The following TAFA1 variants were observed in gnomAD, a reference collection of about 807,000 sequenced individuals.
TAFA1 encodes TAFA chemokine like family member 1.
Under a neutral mutation model 18.5 loss-of-function variants are expected in TAFA1, and 4 were observed. The observed-to-expected ratio is 0.22, with a 90% CI of 0.11 to 0.49. TAFA1 has a LOEUF of 0.49. TAFA1 is among the 20% of genes least tolerant of loss of function. TAFA1 has a pLI of 0.98. For missense variants in TAFA1, 147 were observed against 169.0 expected (o/e 0.87, Z 0.72); for synonymous variants, 56 against 55.2 (o/e 1.01, Z -0.06).
chr3:68,226,895 C>T (rs1426377208), intron 2 of TAFA1, among the ~76,000 whole-genome samples: 1 of 152,164 alleles, frequency 6.6e-6, no homozygotes, highest in African/African-American at 2.4e-5. Flanking sequence ...ACAAAACTTG[C>T]AAAAGGTAGC....
At chr3:68,433,655 A>T (rs1283959134) in intron 3 of TAFA1, among the ~76,000 whole-genome samples, 3 of 152,110 alleles carry the variant, frequency 2.0e-5, no homozygotes, top group Non-Finnish European at 4.4e-5. Flanking sequence ...GTGGGACAAG[A>T]TCAAATCAAA....
intron 2 of TAFA1, among the ~76,000 whole-genome samples, chr3:68,010,428 A>G (rs1445447228): frequency 6.6e-6 from 1 of 152,178 alleles, no homozygotes; most frequent in Admixed American, 6.5e-5. Context: ...TTTAGGGGAA[A>G]TGGTTAGAGA....
intron 3 of TAFA1, among the ~76,000 whole-genome samples, chr3:68,461,261 G>T (rs112013090): frequency 6.7e-5 from 10 of 148,596 alleles, no homozygotes; most frequent in Non-Finnish European, 1.2e-4. Context: ...CAGCCTTGGT[G>T]ATAGAGTGAG....
chr3:68,017,998 C>T (rs1344746133), intron 2 of TAFA1, among the ~76,000 whole-genome samples: 1 of 152,094 alleles, frequency 6.6e-6, no homozygotes, highest in Admixed American at 6.5e-5. Flanking sequence ...GTTTATTTAA[C>T]ACAAAGGAAC....
intron 2 of TAFA1, among the ~76,000 whole-genome samples, chr3:68,052,121 G>A (rs2064478021): frequency 6.6e-6 from 1 of 152,008 alleles, no homozygotes; most frequent in South Asian, 2.1e-4. Context: ...TTTTGAAATG[G>A]AATATCCCCA....
rs1005506654 is a variant in TAFA1 at position 68,004,515 on chromosome 3, CTT to C, written c.-183_-182del. On this transcript the variant is annotated 5_prime_UTR_variant, in exon 1 of 5. It removes the in-frame stop codon of an upstream open reading frame in the 5' UTR. Transcript: ENST00000478136. Reference sequence around the variant, plus strand: ...AATACAGTCTGAATGAACCCGATGTCTTTTTTTTTACTGTGGAAATAGGATCG... The same window carrying C: ...AATACAGTCTGAATGAACCCGATGTCTTTTTTTACTGTGGAAATAGGATCG... The C allele has an allele frequency of 1.3e-5, 2 of 150,238 alleles. No individual in the cohort carries two copies. The highest frequency in any genetic ancestry group is 3.0e-5 in the Non-Finnish European group (2 of 67,584). 9.3% of individuals were successfully genotyped at this position (150,238 alleles called of 1,614,324 possible).
At chr3:68,428,360 C>T (rs185136831) in intron 3 of TAFA1, among the ~76,000 whole-genome samples, 2 of 151,822 alleles carry the variant, frequency 1.3e-5, no homozygotes, top group Non-Finnish European at 2.9e-5. Context: ...TTATTAGCTG[C>T]CTTCAAGTGA....
At chr3:68,226,608 C>A (rs1412772024) in intron 2 of TAFA1, among the ~76,000 whole-genome samples, 1 of 151,732 alleles carries the variant, frequency 6.6e-6, no homozygotes, top group African/African-American at 2.4e-5. Flanking sequence ...TCATTGCTTG[C>A]CCTCCTCTTC....
At chr3:68,111,812 A>G (rs1006897233) in intron 2 of TAFA1, among the ~76,000 whole-genome samples, 3 of 151,884 alleles carry the variant, frequency 2.0e-5, no homozygotes, top group Non-Finnish European at 4.4e-5. Flanking sequence ...GAAGAAATGT[A>G]GGGCAGGACA....
intron 2 of TAFA1, among the ~76,000 whole-genome samples, chr3:68,051,176 A>C (rs928404580): frequency 6.6e-6 from 1 of 152,138 alleles, no homozygotes; most frequent in Non-Finnish European, 1.5e-5. Flanking sequence ...GCATAGGCTA[A>C]TCCATATGCT....
At chr3:68,342,352 A>G (rs1013700326) in intron 2 of TAFA1, among the ~76,000 whole-genome samples, 1 of 152,180 alleles carries the variant, frequency 6.6e-6, no homozygotes. Context: ...TCCTGCTTAG[A>G]ACTGATGAGC....
chr3:68,544,433 T>C, intron 4 of TAFA1, 53 bp from the exon 5 acceptor site: 1 of 1,580,830 alleles, frequency 6.3e-7, no homozygotes, highest in East Asian at 2.2e-5. Context: ...CATTTCTTTG[T>C]GCCTTCAGTT....
chr3:68,126,855 C>A (rs1221073774), intron 2 of TAFA1, among the ~76,000 whole-genome samples: 1 of 152,182 alleles, frequency 6.6e-6, no homozygotes, highest in Non-Finnish European at 1.5e-5. Flanking sequence ...AATGTGTGGA[C>A]ACATACCCGC....
intron 3 of TAFA1, among the ~76,000 whole-genome samples, chr3:68,492,222 G>A (rs569794979): frequency 6.6e-6 from 1 of 152,270 alleles, no homozygotes; most frequent in Admixed American, 6.5e-5. Context: ...TAAAAACGCT[G>A]TAGAAACTCC....
intron 2 of TAFA1, among the ~76,000 whole-genome samples, chr3:68,182,228 AACAG>A (rs1358067164): frequency 6.6e-6 from 1 of 152,164 alleles, no homozygotes. Flanking sequence ...TGAATTCATA[AACAG>A]ACAGACAGAC....
chr3:68,391,208 GA>G (rs2070235175), intron 2 of TAFA1, among the ~76,000 whole-genome samples: 1 of 152,154 alleles, frequency 6.6e-6, no homozygotes, highest in Non-Finnish European at 1.5e-5. Flanking sequence ...AGAACTTTGT[GA>G]AGCATATACA....
intron 2 of TAFA1, among the ~76,000 whole-genome samples, chr3:68,356,031 C>T (rs1276386139): frequency 1.3e-5 from 2 of 151,862 alleles, no homozygotes; most frequent in Non-Finnish European, 2.9e-5. Context: ...ACAGTAGCTA[C>T]ACTTGAAGTG....
intron 3 of TAFA1, among the ~76,000 whole-genome samples, chr3:68,423,924 T>C (rs1372452159): frequency 6.6e-6 from 1 of 151,980 alleles, no homozygotes; most frequent in Non-Finnish European, 1.5e-5. Flanking sequence ...TTATGACCAT[T>C]TGGATGACTG....
At chr3:68,164,444 T>C (rs1427402774) in intron 2 of TAFA1, among the ~76,000 whole-genome samples, 2 of 152,212 alleles carry the variant, frequency 1.3e-5, no homozygotes, top group African/African-American at 4.8e-5. Flanking sequence ...ATCCTTTTTG[T>C]CCCCCTTGGG....
Sources: gnomAD v4.1 joint callset for allele counts (sites outside exome capture counted in the v4.1 genomes callset) on GRCh38, gnomAD v4.1.1 for gene constraint, MANE v1.5 for transcripts, NCBI Gene and HGNC (gene_info 2026-07-23, HGNC 2026-07-21) for gene names.